The following ZMAT1 variants were observed in gnomAD, a reference collection of about 807,000 sequenced individuals.
The protein encoded by ZMAT1 is zinc finger matrin-type 1.
In ZMAT1, 11 loss-of-function variants were observed where a neutral mutation model predicts 18.5. The observed-to-expected ratio is 0.59, with a 90% confidence interval of 0.37 to 0.98. The LOEUF is 0.98. ZMAT1 is among the 50% of genes least tolerant of loss of function. The pLI is 0.01. For missense variants in ZMAT1, 525 were observed against 496.2 expected (o/e 1.06, Z -0.55); for synonymous variants, 211 against 176.4 (o/e 1.20, Z -1.55).
At chrX:101,921,692 T>C (rs1323072729) in intron 1 of ZMAT1, among the ~76,000 whole-genome samples, 1 of 111,999 alleles carries the variant, frequency 8.9e-6, no homozygotes, top group Non-Finnish European at 1.9e-5. Flanking sequence ...AAATATATTT[T>C]AGATGGGAAT....
At chrX:101,887,999 C>A (rs969432742) in intron 4 of ZMAT1, 5 of 110,992 alleles carry the variant, frequency 4.5e-5, no homozygotes, top group Admixed American at 9.6e-5. Flanking sequence ...ACAATGTTTC[C>A]CAGACTTCTT....
chrX:101,897,869 C>T lies in ZMAT1; in HGVS notation c.675G>A (p.Met225Ile), dbSNP rs1486047726. Residue 225 changes from methionine to isoleucine, a missense_variant and splice_region_variant, in exon 4 of 6, where the codon ATG (methionine) becomes ATA (isoleucine). Physicochemically the swap from Met to Ile is conservative, Grantham distance 10 (BLOSUM62 1). Transcript: ENST00000651725. The part of the protein sequence containing the change: ...QASPSGFQPE[M>I]AFSMRTYVCH... ...ATCAAGAGGTGAATGGAACCTTACC[C>T]ATCTCTGGTTGAAATCCTGATGGAG... 8.3e-7 allele frequency: 1 copy of T among 1,209,053 alleles called. No homozygotes were observed. Among genetic ancestry groups the T allele is most frequent in the African/African-American group, 1.7e-5 (1 of 57,801 alleles).
In ZMAT1 at chrX:101,931,994, C is replaced by T. The variant is rs1930547191; in HGVS notation, c.15G>A (p.Pro5=). MAAA[P]STVTPLAAES... ...CCGCCGCCAGCGGGGTGACTGTGCTCGGCGCCGCCGCCATCGCAGCGAGGC... is the reference window on the plus strand; with the variant it reads ...CCGCCGCCAGCGGGGTGACTGTGCTTGGCGCCGCCGCCATCGCAGCGAGGC... The change falls in exon 1 of 6, where the codon CCG becomes CCA. Residue 5 remains proline, a synonymous_variant. Transcript: ENST00000651725. The T allele has an allele frequency of 2.6e-6, 2 of 766,933 alleles. No homozygotes were observed. Among genetic ancestry groups the T allele is most frequent in the East Asian group, 1.5e-4 (1 of 6,660 alleles). The allele number at this position is 766,933 out of a possible 1,213,427, so 63.2% of individuals were successfully genotyped here. A position where few individuals can be genotyped will look rare whatever the true frequency, so the allele number is the denominator to read the frequency against.
chrX:101,897,879 T>C lies in ZMAT1; in HGVS notation c.665A>G (p.Gln222Arg). 1.7e-6 allele frequency: 2 copies of C among 1,210,406 alleles called. No individual in the cohort carries two copies. Among genetic ancestry groups the C allele is most frequent in the Non-Finnish European group, 2.2e-6 (2 of 894,617 alleles). ...EHDQASPSGF[Q>R]PEMAFSMRTY... ...GAATGGAACCTTACCCATCTCTGGT[T>C]GAAATCCTGATGGAGATGCCTGATC... The change falls in exon 4 of 6, where the codon CAA (glutamine) becomes CGA (arginine). Residue 222 changes from glutamine (Q) to arginine (R), a missense_variant. Physicochemically the swap from Gln to Arg is conservative, Grantham distance 43. Coordinates refer to ENST00000651725, the MANE Select transcript of ZMAT1 (RefSeq NM_001394560.1).
intron 1 of ZMAT1, among the ~76,000 whole-genome samples, chrX:101,908,065 A>G (rs750677248): frequency 8.9e-6 from 1 of 112,518 alleles, no homozygotes; most frequent in South Asian, 3.7e-4. Context: ...TCAAGAATAA[A>G]TGTAACTAGA....
intron 1 of ZMAT1, among the ~76,000 whole-genome samples, chrX:101,910,969 C>G (rs1236993363): frequency 1.8e-5 from 2 of 110,368 alleles, no homozygotes; most frequent in Non-Finnish European, 3.8e-5. Flanking sequence ...GACGACTACC[C>G]CAAGGCATTT....
chrX:101,891,712 G>C (rs1927416478), intron 4 of ZMAT1, among the ~76,000 whole-genome samples: 2 of 111,144 alleles, frequency 1.8e-5, no homozygotes, highest in Non-Finnish European at 3.8e-5. Context: ...ATGAACAGGA[G>C]AGAGTGATGT....
Position 101,884,161 on chromosome X carries a change from TA to T in ZMAT1, c.1436del (p.Val479GlufsTer40). The T allele has an allele frequency of 8.3e-7, 1 of 1,210,997 alleles. No homozygotes were observed. The highest frequency in any genetic ancestry group is 1.1e-6 in the Non-Finnish European group (1 of 895,273). On this transcript the variant is annotated frameshift_variant, in exon 6 of 6. Transcript: ENST00000651725. LOFTEE classifies it low-confidence loss of function (END_TRUNC). ...TCFRKIGDSS[V>X]ETHRNREMVD... is the part of the protein sequence containing the mutation. ...CCATTTCTCTGTTCCTGTGTGTTTCTACAGAGCTATCTCCTATCTTTCTGAA... is the reference window on the plus strand; with the variant it reads ...CCATTTCTCTGTTCCTGTGTGTTTCTCAGAGCTATCTCCTATCTTTCTGAA...
At chrX:101,888,911 T>A (rs1166670666) in intron 4 of ZMAT1, 1 of 111,679 alleles carries the variant, frequency 9.0e-6, no homozygotes, top group Non-Finnish European at 1.9e-5. Context: ...TTTTACATAT[T>A]TATTTAGTGC....
intron 1 of ZMAT1, 112 bp downstream of exon 1, chrX:101,931,605 C>T: frequency 5.4e-6 from 3 of 550,596 alleles, no homozygotes; most frequent in Non-Finnish European, 4.0e-6. Flanking sequence ...TACTGCGCCA[C>T]GGCAGGTGGG....
chrX:101,883,773 G>C lies in ZMAT1; in HGVS notation c.1825C>G (p.Pro609Ala), dbSNP rs1466118982. Reference sequence around the variant, plus strand: ...TTATGCTTGGACTGCTCTTTCTCTGGCCTTTCTTTGCCTTCTTCTAGGTGT... The same window carrying C: ...TTATGCTTGGACTGCTCTTTCTCTGCCCTTTCTTTGCCTTCTTCTAGGTGT... ...KRHLEEGKER[P>A]EKEQSKHKRK... The change falls in exon 6 of 6, where the codon CCA becomes GCA. Residue 609 changes from proline (P) to alanine (A), a missense_variant. Physicochemically the swap from Pro to Ala is conservative, Grantham distance 27. Transcript: ENST00000651725. 1 of 1,206,759 alleles carries C rather than the reference G, an allele frequency of 8.3e-7. No individual in the cohort carries two copies. The highest frequency in any genetic ancestry group is 1.8e-5 in the South Asian group (1 of 56,515).
In ZMAT1 at chrX:101,883,591, C is replaced by T; in HGVS notation, c.2007G>A (p.Lys669=). The T allele has an allele frequency of 8.3e-7, 1 of 1,207,462 alleles. No homozygotes were observed. The highest frequency in any genetic ancestry group is 1.1e-6 in the Non-Finnish European group (1 of 894,410). ...HDVPSEKEER[K]HRKEKKKSVE... ...CAGATTTCTTTTTCTCTTTCCTGTG[C>T]TTACGTTCTTCTTTCTCGGAGGGTA... Residue 669 remains lysine, a synonymous_variant, in exon 6 of 6, where the codon AAG becomes AAA. Transcript: ENST00000651725.
intron 4 of ZMAT1, among the ~76,000 whole-genome samples, chrX:101,893,643 A>G (rs1411257532): frequency 8.9e-6 from 1 of 111,923 alleles, no homozygotes; most frequent in East Asian, 2.8e-4. Flanking sequence ...CACTGGAAAT[A>G]TAGATGAATT....
chrX:101,909,073 C>T (rs1011011240), intron 1 of ZMAT1, among the ~76,000 whole-genome samples: 1 of 109,245 alleles, frequency 9.2e-6, no homozygotes, highest in African/African-American at 3.3e-5. Flanking sequence ...TCTTGGTTAC[C>T]AGCTCAGCCA....
intron 1 of ZMAT1, among the ~76,000 whole-genome samples, chrX:101,921,609 C>T (rs1603285029): frequency 8.9e-6 from 1 of 112,002 alleles, no homozygotes; most frequent in East Asian, 2.8e-4. Flanking sequence ...AGCTGTGTGA[C>T]TAAGAACATA....
chrX:101,886,724 ACT>A lies in ZMAT1; in HGVS notation c.682_683del (p.Ser228TyrfsTer10), dbSNP rs1327599600. On this transcript the variant is annotated frameshift_variant, in exon 5 of 6. Transcript: ENST00000651725. LOFTEE classifies it high-confidence loss of function. ...AAATATGGCAAACATAGGTTCTCAT[ACT>A]AAATGCTGAAAAAACAAAGAGTTCA... ...PSGFQPEMAFSMRTYVCHICS... is the reference protein window; with the variant it reads ...PSGFQPEMAFXMRTYVCHICS... The A allele has an allele frequency of 8.5e-7, 1 of 1,178,508 alleles. No individual in the cohort carries two copies. Among genetic ancestry groups the A allele is most frequent in the South Asian group, 1.8e-5 (1 of 54,186 alleles).
intron 1 of ZMAT1, among the ~76,000 whole-genome samples, chrX:101,930,195 C>T (rs906984230): frequency 4.5e-5 from 5 of 112,096 alleles, no homozygotes; most frequent in African/African-American, 1.6e-4. Context: ...TTAAACCTTA[C>T]TGTGAACAGA....
chrX:101,901,910 A>G (rs995538864), intron 2 of ZMAT1, among the ~76,000 whole-genome samples: 28 of 111,919 alleles, frequency 2.5e-4, no homozygotes, highest in African/African-American at 5.8e-4. Context: ...CCTGTTTAGG[A>G]CAATTATGTT....
intron 1 of ZMAT1, among the ~76,000 whole-genome samples, chrX:101,914,530 C>T (rs1412925101): frequency 2.7e-5 from 3 of 110,426 alleles, no homozygotes; most frequent in Admixed American, 9.7e-5. Flanking sequence ...CAACTGATAC[C>T]GCAGAAATTC....
Sources: gnomAD v4.1 joint callset for allele counts (sites outside exome capture counted in the v4.1 genomes callset) on GRCh38, gnomAD v4.1.1 for gene constraint, MANE v1.5 for transcripts, NCBI Gene and HGNC (gene_info 2026-07-23, HGNC 2026-07-21) for gene names.